The following AGBL1 variants were observed in gnomAD, a reference collection of about 807,000 sequenced individuals.
AGBL1 encodes cytosolic carboxypeptidase 4.
Under a neutral mutation model 118.9 loss-of-function variants are expected in AGBL1, and 130 were observed. The ratio of observed to expected loss-of-function variants is 1.09; its 90% CI spans 0.95 to 1.26. The LOEUF is 1.26. Among genes scored for constraint, AGBL1 ranks in the 50% most tolerant of loss-of-function variants. The pLI, the probability that AGBL1 is intolerant of heterozygous loss-of-function variation, is 0.00. For synonymous variants in AGBL1, 555 were observed against 478.9 expected, an observed-to-expected ratio of 1.16 and a Z score of -2.08; for missense variants, 1,584 against 1,298.1, an observed-to-expected ratio of 1.22 and a Z score of -3.38.
intron 23 of AGBL1, among the ~76,000 whole-genome samples, chr15:86,980,781 ATAT>A (rs72432294): frequency 0.01 from 1,575 of 151,934 alleles, 24 homozygotes; most frequent in African/African-American, 0.036. Flanking sequence ...CTCAAATTAT[ATAT>A]TATTTTAAAA....
chr15:86,492,368 T>A (rs1462591121), intron 18 of AGBL1, among the ~76,000 whole-genome samples: 1 of 151,956 alleles, frequency 6.6e-6, no homozygotes, highest in Non-Finnish European at 1.5e-5. Context: ...GGTGGGTGGA[T>A]CACTTGAGGT....
chr15:86,706,952 C>A (rs1050545998), intron 22 of AGBL1, among the ~76,000 whole-genome samples: 2 of 151,908 alleles, frequency 1.3e-5, no homozygotes, highest in Admixed American at 6.6e-5. Context: ...GAGTGGAAAA[C>A]GTAGTCAAAA....
At chr15:86,951,651 T>A (rs2080881624) in intron 23 of AGBL1, among the ~76,000 whole-genome samples, 1 of 152,156 alleles carries the variant, frequency 6.6e-6, no homozygotes, top group Non-Finnish European at 1.5e-5. Flanking sequence ...GAAAAAGAGT[T>A]GCTAAGATGA....
At chr15:86,737,381 A>G (rs1226498819) in intron 22 of AGBL1, among the ~76,000 whole-genome samples, 5 of 152,334 alleles carry the variant, frequency 3.3e-5, no homozygotes, top group East Asian at 3.9e-4. Context: ...GATTTATTCC[A>G]GGTGTCTTAA....
intron 22 of AGBL1, among the ~76,000 whole-genome samples, chr15:86,792,125 T>G (rs1194406219): frequency 6.6e-6 from 1 of 152,188 alleles, no homozygotes; most frequent in East Asian, 1.9e-4. Flanking sequence ...CTAACTCCAG[T>G]GCCCACACTT....
chr15:86,485,715 C>T (rs751293829), intron 18 of AGBL1, among the ~76,000 whole-genome samples: 1 of 152,100 alleles, frequency 6.6e-6, no homozygotes, highest in Non-Finnish European at 1.5e-5. Context: ...CAGATGTGGC[C>T]TGTGGACCGT....
At chr15:86,154,817 T>C (rs998828824) in intron 4 of AGBL1, among the ~76,000 whole-genome samples, 1 of 152,162 alleles carries the variant, frequency 6.6e-6, no homozygotes. Flanking sequence ...CCTTGGCAGT[T>C]ACACATTACA....
chr15:86,396,176 CAT>C (rs1365192132), intron 17 of AGBL1, among the ~76,000 whole-genome samples: 2 of 142,296 alleles, frequency 1.4e-5, no homozygotes, highest in Admixed American at 7.1e-5. Context: ...ATCATATATT[CAT>C]ATATATGTGT....
At chr15:86,571,835 C>A (rs2084012675) in intron 21 of AGBL1, among the ~76,000 whole-genome samples, 1 of 152,150 alleles carries the variant, frequency 6.6e-6, no homozygotes, top group African/African-American at 2.4e-5. Flanking sequence ...TTCAGGCCCT[C>A]CCTGGCTTAA....
intron 18 of AGBL1, among the ~76,000 whole-genome samples, chr15:86,455,629 T>C (rs1220203967): frequency 6.6e-6 from 1 of 152,146 alleles, no homozygotes; most frequent in African/African-American, 2.4e-5. Flanking sequence ...GGCTTTCTTT[T>C]TTCCTAACAT....
chr15:86,482,687 C>A (rs916708765), intron 18 of AGBL1, among the ~76,000 whole-genome samples: 3 of 152,060 alleles, frequency 2.0e-5, no homozygotes, highest in Non-Finnish European at 2.9e-5. Context: ...TTACATGTAA[C>A]CTTGGCATAT....
intron 6 of AGBL1, among the ~76,000 whole-genome samples, chr15:86,231,253 C>G (rs1465560648): frequency 1.3e-5 from 2 of 152,306 alleles, no homozygotes; most frequent in Non-Finnish European, 2.9e-5. Context: ...CCCAGAGTAG[C>G]TGATAATACA....
rs185080404 is a variant in AGBL1, at chr15:86,383,503, C to G, written c.2375-13863C>G. On this transcript the variant is annotated intron_variant, in intron 17 of 22. Transcript: ENST00000614907. ...TCGGGAGGCTGAGGCAGGAGAATCT[C>G]TTGCATCTGGGAAGTAGAGGTTGCA... Among the ~76,000 whole-genome samples the G allele has an allele frequency of 3.0e-3, 462 of 152,236 alleles. 4 individuals are homozygous for G. The highest frequency in any genetic ancestry group is 0.014 in the Middle Eastern group (4 of 294).
At chr15:86,599,347 C>CTCTGTCACTCAGGTTGGAG (rs2084459672) in intron 21 of AGBL1, among the ~76,000 whole-genome samples, 1 of 151,062 alleles carries the variant, frequency 6.6e-6, no homozygotes, top group African/African-American at 2.4e-5. Flanking sequence ...TTTTTTTTAG[C>CTCTGTCACTCAGGTTGGAG]TGCCATAAAG....
intron 22 of AGBL1, among the ~76,000 whole-genome samples, chr15:86,681,983 C>T (rs1010441084): frequency 6.6e-6 from 1 of 152,194 alleles, no homozygotes; most frequent in Non-Finnish European, 1.5e-5. Flanking sequence ...GTAGAATCTT[C>T]AGTTTCAAGT....
intron 16 of AGBL1, among the ~76,000 whole-genome samples, chr15:86,291,025 A>AT (rs1280874443): frequency 6.6e-6 from 1 of 152,118 alleles, no homozygotes; most frequent in Non-Finnish European, 1.5e-5. Context: ...TGAACTCATC[A>AT]TTTTTTATGG....
chr15:86,865,943 A>G (rs1196247359), intron 22 of AGBL1, among the ~76,000 whole-genome samples: 1 of 152,228 alleles, frequency 6.6e-6, no homozygotes, highest in Non-Finnish European at 1.5e-5. Context: ...GGTCTGGCAT[A>G]TAACCAAGTG....
At chr15:86,237,085 A>C (rs2078564093) in intron 6 of AGBL1, among the ~76,000 whole-genome samples, 1 of 152,132 alleles carries the variant, frequency 6.6e-6, no homozygotes, top group Non-Finnish European at 1.5e-5. Flanking sequence ...CAGCTCTAAA[A>C]GCCGGGCCTT....
intron 19 of AGBL1, among the ~76,000 whole-genome samples, chr15:86,528,306 G>A (rs7497170): frequency 0.023 from 3,434 of 152,350 alleles, 71 homozygotes; most frequent in Middle Eastern, 0.075. Context: ...GAAGCGCAAG[G>A]GGTCAGGGAG....
Sources: allele counts gnomAD v4.1 joint callset (sites outside exome capture counted in the v4.1 genomes callset), GRCh38; gene constraint gnomAD v4.1.1; transcripts MANE v1.5; gene names NCBI Gene and HGNC (gene_info 2026-07-23, HGNC 2026-07-21).